The following LTF variants were observed in gnomAD, a reference collection of about 807,000 sequenced individuals.
LTF encodes lactotransferrin.
In LTF, 91 loss-of-function variants were observed where a neutral mutation model predicts 87.2. The observed-to-expected ratio is 1.04, with a 90% CI of 0.88 to 1.24. The LOEUF is 1.24. LTF is among the 50% of genes most tolerant of loss of function. The pLI is 0.00. For synonymous variants in LTF, 378 were observed against 356.1 expected, an observed-to-expected ratio of 1.06 and a Z score of -0.69; for missense variants, 901 against 904.3, an observed-to-expected ratio of 1.00 and a Z score of 0.05.
chr3:46,437,535 T>C (rs1170329668), intron 16 of LTF, among the ~76,000 whole-genome samples: 1 of 152,026 alleles, frequency 6.6e-6, no homozygotes, highest in Non-Finnish European at 1.5e-5. Flanking sequence ...GTTGGCCACA[T>C]TGGTCTCAAA....
chr3:46,475,447 G>T (rs538664286), intron 1 of LTF, among the ~76,000 whole-genome samples: 1 of 151,868 alleles, frequency 6.6e-6, no homozygotes, highest in African/African-American at 2.4e-5. Context: ...AAAGGAGAGG[G>T]TCATCTCTGT....
At chr3:46,469,154 A>G (rs1229667473), upstream of LTF, among the ~76,000 whole-genome samples, 2 of 152,234 alleles carry the variant, frequency 1.3e-5, no homozygotes, top group African/African-American at 2.4e-5. Flanking sequence ...GAGTTAAGAC[A>G]GTCACTCTTT....
At chr3:46,472,523 TGTGTGAGAGA>T (rs1260803186) in intron 1 of LTF, among the ~76,000 whole-genome samples, 6 of 146,212 alleles carry the variant, frequency 4.1e-5, no homozygotes, top group Non-Finnish European at 7.4e-5. Context: ...TGTGTGTGTG[TGTGTGAGAGA>T]GAGAGAGAGA....
intron 1 of LTF, among the ~76,000 whole-genome samples, chr3:46,476,395 A>C (rs1703359951): frequency 6.6e-6 from 1 of 152,226 alleles, no homozygotes; most frequent in Admixed American, 6.5e-5. Flanking sequence ...ACATGAATGG[A>C]TGTTGAATTT....
intron 11 of LTF, among the ~76,000 whole-genome samples, chr3:46,445,644 A>G (rs1702635220): frequency 6.6e-6 from 1 of 152,242 alleles, no homozygotes; most frequent in African/African-American, 2.4e-5. Flanking sequence ...ATAAAACAGT[A>G]AGAAAAGCTG....
chr3:46,479,319 A>G (rs1180256197), intron 1 of LTF, among the ~76,000 whole-genome samples: 1 of 152,080 alleles, frequency 6.6e-6, no homozygotes, highest in Admixed American at 6.5e-5. Context: ...CAAGTGATTG[A>G]GGGGGAGATT....
Position 46,447,332 on chromosome 3 carries a change from C to T in LTF, c.1279G>A (p.Val427Met), listed in dbSNP as rs766282875. The T allele has an allele frequency of 1.2e-6, 2 of 1,614,154 alleles. No homozygotes were observed. The highest frequency in any genetic ancestry group is 1.7e-6 in the Non-Finnish European group (2 of 1,179,992). The change falls in exon 10 of 17, where the codon GTG becomes ATG. Residue 427 changes from valine to methionine, a missense_variant. Transcript: ENST00000231751. ...CTGTAGTTCTCTGCCAGGACAGGCA[C>T]CAAACCACATTTGCCTGCAGTGTAC... is the stretch of plus-strand genomic sequence containing the variant. ...YVYTAGKCGLVPVLAENYKSQ... is the reference protein window; with the variant it reads ...YVYTAGKCGLMPVLAENYKSQ...
At chr3:46,479,304 G>A (rs909678294) in intron 1 of LTF, among the ~76,000 whole-genome samples, 8 of 152,192 alleles carry the variant, frequency 5.3e-5, no homozygotes, top group South Asian at 4.1e-4. Context: ...GGGTTTGGCC[G>A]GAACCAAGTG....
At chr3:46,468,406 T>A, upstream of LTF, 1 of 442,160 alleles carries the variant, frequency 2.3e-6, no homozygotes, top group Non-Finnish European at 4.5e-6. Context: ...CTGTGGAAAC[T>A]GCCATGCAGT....
intron 8 of LTF, among the ~76,000 whole-genome samples, 153 bp downstream of exon 8, chr3:46,449,701 C>T (rs936027977): frequency 2.0e-5 from 3 of 152,196 alleles, no homozygotes; most frequent in Non-Finnish European, 2.9e-5. Flanking sequence ...AGACACCTGA[C>T]CTAATCCACA....
chr3:46,462,453 T>C (rs370095356), intron 1 of LTF, among the ~76,000 whole-genome samples: 18 of 152,250 alleles, frequency 1.2e-4, no homozygotes, highest in African/African-American at 3.4e-4. Context: ...GAAGTTCCCA[T>C]AGCTAATAAG....
intron 1 of LTF, among the ~76,000 whole-genome samples, chr3:46,462,764 G>A (rs1423792423): frequency 2.0e-5 from 3 of 152,162 alleles, no homozygotes; most frequent in African/African-American, 7.2e-5. Flanking sequence ...GGGCTAGTCT[G>A]AGTGGAGAGA....
chr3:46,466,522 AG>A (rs2106911936), upstream of LTF, among the ~76,000 whole-genome samples: 1 of 152,308 alleles, frequency 6.6e-6, no homozygotes, highest in Admixed American at 6.5e-5. Context: ...CAAGGTGGAG[AG>A]GCCATTAAGG....
intron 1 of LTF, among the ~76,000 whole-genome samples, chr3:46,471,022 C>T (rs1703276448): frequency 1.3e-5 from 2 of 152,212 alleles, no homozygotes; most frequent in South Asian, 4.1e-4. Context: ...AGGAGCCCAG[C>T]TTCCAGCAGT....
chr3:46,482,578 A>AG (rs71619647), intron 1 of LTF, among the ~76,000 whole-genome samples: 6 of 123,626 alleles, frequency 4.9e-5, no homozygotes, highest in African/African-American at 1.7e-4. Context: ...GGGAAAGGAA[A>AG]GGAAGGGAGA....
chr3:46,460,491 G>A (rs539094831), intron 1 of LTF: 1 of 446,938 alleles, frequency 2.2e-6, no homozygotes, highest in Non-Finnish European at 4.5e-6. Flanking sequence ...CTCAAATACT[G>A]GTTCTTCTTT....
At chr3:46,465,256 C>T (rs1201907062), upstream of LTF, 1 of 245,140 alleles carries the variant, frequency 4.1e-6, no homozygotes, top group Non-Finnish European at 7.9e-6. Context: ...ATCGCCTTGA[C>T]CTGTGAGACT....
upstream of LTF, among the ~76,000 whole-genome samples, chr3:46,466,015 G>T (rs1489354366): frequency 6.6e-6 from 1 of 152,202 alleles, no homozygotes; most frequent in Non-Finnish European, 1.5e-5. Flanking sequence ...AAGATGGGAG[G>T]ATCGCTTGAG....
upstream of LTF, chr3:46,468,191 G>A (rs1288589348): frequency 2.2e-6 from 1 of 456,660 alleles, no homozygotes; most frequent in East Asian, 6.9e-5. Flanking sequence ...AGGATAGTGA[G>A]GGTCAGGGCT....
Sources: allele counts gnomAD v4.1 joint callset (sites outside exome capture counted in the v4.1 genomes callset), GRCh38; gene constraint gnomAD v4.1.1; transcripts MANE v1.5; gene names NCBI Gene and HGNC (gene_info 2026-07-23, HGNC 2026-07-21).